The following SHPRH variants were observed in gnomAD, a reference collection of about 807,000 sequenced individuals.
SHPRH encodes E3 ubiquitin-protein ligase SHPRH.
Under a neutral mutation model 202.5 loss-of-function variants are expected in SHPRH, and 106 were observed. The observed-to-expected ratio is 0.52, with a 90% CI of 0.45 to 0.62. The LOEUF (loss-of-function observed/expected upper bound fraction) is 0.62, where lower values mean the gene tolerates loss of function less well. SHPRH is among the 20% of genes least tolerant of loss of function. SHPRH has a pLI of 0.00. For missense variants in SHPRH, 1,710 were observed against 2,020.0 expected, an observed-to-expected ratio of 0.85 and a Z score of 2.94; for synonymous variants, 729 against 686.0, an observed-to-expected ratio of 1.06 and a Z score of -0.98.
intron 4 of SHPRH, among the ~76,000 whole-genome samples, chr6:145,949,987 T>TA (rs1433656823): frequency 6.6e-6 from 1 of 151,976 alleles, no homozygotes; most frequent in Non-Finnish European, 1.5e-5. Context: ...GAAAGGAATG[T>TA]AAAAAAAATT....
chr6:145,955,012 G>C lies in SHPRH; in HGVS notation c.311C>G (p.Ser104Cys). 1 of 1,613,516 alleles carries C rather than the reference G, an allele frequency of 6.2e-7. No homozygotes were observed. Among genetic ancestry groups the C allele is most frequent in the South Asian group, 1.1e-5 (1 of 91,076 alleles). ...PLSVKLNIVI[S>C]PYHFDNSWKA... ...CCAGGAATTATCAAAATGATAGGGA[G>C]AAATCACAATATTTAACTTTACAGA... is the stretch of plus-strand genomic sequence containing the variant. Residue 104 changes from serine (S) to cysteine (C), a missense_variant, in exon 2 of 30, where the codon TCT becomes TGT. Physicochemically the swap from Ser to Cys is moderately radical, Grantham distance 112. This residue lies in a region of SHPRH where 459 missense variants were observed against 426.5 expected (regional missense o/e 1.08). Coordinates refer to ENST00000275233, the MANE Select transcript of SHPRH (RefSeq NM_001042683.3).
intron 25 of SHPRH, chr6:145,903,851 T>G (rs1782718219): frequency 6.6e-6 from 1 of 152,088 alleles, no homozygotes; most frequent in Non-Finnish European, 1.5e-5. Context: ...GGAGGCCTAC[T>G]TCACCATCCA....
intron 2 of SHPRH, among the ~76,000 whole-genome samples, chr6:145,873,183 A>G (rs1424607424): frequency 6.6e-6 from 1 of 152,104 alleles, no homozygotes; most frequent in Non-Finnish European, 1.5e-5. Context: ...AACTTAAAAT[A>G]AAAGTTGGAA....
At chr6:145,927,125 C>A in intron 15 of SHPRH, 64 bp downstream of exon 15, 1 of 1,442,606 alleles carries the variant, frequency 6.9e-7, no homozygotes. Flanking sequence ...CTTAAACATT[C>A]AGAAAAATTA....
rs1780998658 is a variant in SHPRH at position 145,886,283 on chromosome 6, A to T, written c.*408T>A. The T allele has an allele frequency of 1.9e-6, 1 of 526,670 alleles. No homozygotes were observed. The highest frequency in any genetic ancestry group is 1.9e-5 in the African/African-American group (1 of 52,714). The allele number at this position is 526,670 out of a possible 1,614,324, so 32.6% of individuals were successfully genotyped here. On this transcript the variant is annotated 3_prime_UTR_variant, in exon 30 of 30. Transcript: ENST00000275233. ...GTGAATCATGTGCTAAAGATACTGA[A>T]GGCCCTTCCAAAACTGAGATCTATG...
chr6:145,937,688 A>G (rs1014991023), intron 11 of SHPRH, among the ~76,000 whole-genome samples: 3 of 152,132 alleles, frequency 2.0e-5, no homozygotes, highest in African/African-American at 7.2e-5. Flanking sequence ...ATCTCTACCT[A>G]CCTAGTCTCT....
chr6:145,913,077 C>T (rs974212292), intron 24 of SHPRH, among the ~76,000 whole-genome samples: 21 of 152,044 alleles, frequency 1.4e-4, no homozygotes, highest in Admixed American at 5.2e-4. Context: ...TTAATACTGG[C>T]AAGTAAGAAC....
At chr6:145,941,996 C>A in intron 9 of SHPRH, 122 bp from the exon 10 acceptor site, 1 of 1,159,712 alleles carries the variant, frequency 8.6e-7, no homozygotes, top group Non-Finnish European at 1.2e-6. Context: ...TGCTATGAGA[C>A]AGATCCCATA....
chr6:145,924,513 C>G (rs773022065), intron 17 of SHPRH, among the ~76,000 whole-genome samples: 23 of 151,828 alleles, frequency 1.5e-4, no homozygotes, highest in Non-Finnish European at 2.8e-4. Flanking sequence ...CCCATGAGTT[C>G]AAAAGAAAGA....
rs185460836 is a variant in SHPRH at position 145,890,867 on chromosome 6, G to C, written c.4874+2348C>G. Among the ~76,000 whole-genome samples, 273 of 152,136 alleles carry C rather than the reference G, an allele frequency of 1.8e-3. 1 individual carries two copies. The highest frequency in any genetic ancestry group is 6.3e-3 in the African/African-American group (260 of 41,498). On this transcript the variant is annotated intron_variant, in intron 28 of 29. Coordinates refer to ENST00000275233, the MANE Select transcript of SHPRH (RefSeq NM_001042683.3). ...TTGACCCTCTCATACCCCATGTCTA[G>C]TCTGTCCAAAAGTACTATCAGTTCT...
At chr6:145,921,086 G>A in intron 21 of SHPRH, 81 bp downstream of exon 21, 1 of 1,224,956 alleles carries the variant, frequency 8.2e-7, no homozygotes, top group Non-Finnish European at 1.1e-6. Flanking sequence ...TAAAAAACTG[G>A]AGAGAGAAAA....
intron 1 of SHPRH, among the ~76,000 whole-genome samples, chr6:145,956,382 C>T (rs1788511363): frequency 6.6e-6 from 1 of 152,184 alleles, no homozygotes; most frequent in East Asian, 1.9e-4. Flanking sequence ...AATTAAATTA[C>T]TGAAAAGTGA....
rs1325703138 is a variant in SHPRH, at chr6:145,964,047, G to A, written c.-349C>T. 2 of 152,224 alleles carry A rather than the reference G, an allele frequency of 1.3e-5. No homozygotes were observed. The highest frequency in any genetic ancestry group is 4.1e-4 in the South Asian group (2 of 4,834). The allele number at this position is 152,224 out of a possible 1,614,324, so 9.4% of individuals were successfully genotyped here. On this transcript the variant is annotated 5_prime_UTR_variant, in exon 1 of 30. Transcript: ENST00000275233. ...CTCCCTCTCAGCCCTTGAGCTTCCC[G>A]GGCTCCAGGACAACCAGCGTCCTCC...
At chr6:145,864,430 A>G (rs1331046736) in exon 3 of SHPRH, 1 of 405,864 alleles carries the variant, frequency 2.5e-6, no homozygotes, top group Admixed American at 2.5e-5. Flanking sequence ...GTTGTCAGGG[A>G]CCAGGGGTGG....
At chr6:145,951,175 C>T (rs1428146434) in intron 3 of SHPRH, among the ~76,000 whole-genome samples, 1 of 152,146 alleles carries the variant, frequency 6.6e-6, no homozygotes, top group East Asian at 1.9e-4. Flanking sequence ...AAGATTTATA[C>T]TTACTATAAC....
downstream of SHPRH, among the ~76,000 whole-genome samples, chr6:145,882,701 G>A (rs140475509): frequency 1.3e-5 from 2 of 152,330 alleles, no homozygotes; most frequent in Admixed American, 6.5e-5. Flanking sequence ...ATTATGGGAA[G>A]CCAAGAGATC....
intron 2 of SHPRH, among the ~76,000 whole-genome samples, chr6:145,869,819 C>CA (rs529606233): frequency 1.5e-5 from 2 of 134,584 alleles, no homozygotes; most frequent in Non-Finnish European, 3.2e-5. Flanking sequence ...TTTTTCTTTT[C>CA]TTTTTTTTTT....
chr6:145,859,580 C>A (rs1301848118), downstream of SHPRH, among the ~76,000 whole-genome samples: 1 of 151,660 alleles, frequency 6.6e-6, no homozygotes, highest in Non-Finnish European at 1.5e-5. Context: ...TTTGTAATGC[C>A]AAAACAAAGA....
At chr6:145,896,355 T>A (rs1458662528) in intron 25 of SHPRH, among the ~76,000 whole-genome samples, 1 of 152,052 alleles carries the variant, frequency 6.6e-6, no homozygotes, top group African/African-American at 2.4e-5. Flanking sequence ...AAAACATCCA[T>A]GTTCCTTGCA....
Sources: allele counts gnomAD v4.1 joint callset (sites outside exome capture counted in the v4.1 genomes callset), GRCh38; gene constraint gnomAD v4.1.1; regional missense constraint gnomAD v4.1.1; transcripts MANE v1.5; gene names NCBI Gene and HGNC (gene_info 2026-07-23, HGNC 2026-07-21).